ZNF726: variants seen among roughly 807,000 people sequenced by gnomAD.
ZNF726 encodes zinc finger protein 726.
Under a neutral mutation model 11.6 loss-of-function variants are expected in ZNF726, and 15 were observed. That is an observed-to-expected ratio of 1.29 (90% CI 0.86 to 1.99). The LOEUF (loss-of-function observed/expected upper bound fraction) is 1.99. Ranked by LOEUF, ZNF726 falls within the 30% of genes most tolerant of loss-of-function variation. The probability of loss-of-function intolerance (pLI) is 0.00; values close to 1 mark genes in which losing one functional copy is unlikely to be tolerated. For synonymous variants in ZNF726, 295 were observed against 243.6 expected, an observed-to-expected ratio of 1.21 and a Z score of -1.96; for missense variants, 890 against 725.6, an observed-to-expected ratio of 1.23 and a Z score of -2.60.
intron 3 of ZNF726, among the ~76,000 whole-genome samples, chr19:23,925,247 T>C (rs1340046903): frequency 1.3e-5 from 2 of 152,242 alleles, no homozygotes; most frequent in Non-Finnish European, 2.9e-5. Context: ...ATTTTAGATA[T>C]AGATTCATAA....
At chr19:23,928,583 A>C (rs1030994221) in intron 3 of ZNF726, 1 of 152,118 alleles carries the variant, frequency 6.6e-6, no homozygotes, top group African/African-American at 2.4e-5. Context: ...TATACTACCA[A>C]TGTTTGTCTC....
downstream of ZNF726, among the ~76,000 whole-genome samples, chr19:23,937,473 C>A (rs1035833534): frequency 6.7e-6 from 1 of 149,544 alleles, no homozygotes; most frequent in Non-Finnish European, 1.5e-5. Context: ...TCAGACGGGG[C>A]GGCCGGGCAG....
chr19:23,943,500 C>A, exon 4 of ZNF726: 1 of 622,204 alleles, frequency 1.6e-6, no homozygotes, highest in Non-Finnish European at 3.0e-6. Flanking sequence ...ACAGGCCTTG[C>A]TGTCTCTAAC....
downstream of ZNF726, among the ~76,000 whole-genome samples, chr19:23,937,080 C>CT (rs1017458934): frequency 1.4e-5 from 2 of 142,430 alleles, no homozygotes; most frequent in Non-Finnish European, 3.1e-5. Flanking sequence ...GCTGGCCGGG[C>CT]GGGGGGCTGA....
At chr19:23,937,375 C>A (rs1968259862), downstream of ZNF726, among the ~76,000 whole-genome samples, 2 of 151,428 alleles carry the variant, frequency 1.3e-5, no homozygotes. Flanking sequence ...GGAGGGGCTC[C>A]TCACTTCTCA....
chr19:23,916,283 T>C (rs1967696443), intron 1 of ZNF726, among the ~76,000 whole-genome samples: 1 of 152,156 alleles, frequency 6.6e-6, no homozygotes, highest in African/African-American at 2.4e-5. Flanking sequence ...ATCAACTATT[T>C]GTCCTTTAGT....
intron 3 of ZNF726, among the ~76,000 whole-genome samples, chr19:23,930,787 T>C (rs1229394766): frequency 1.3e-5 from 2 of 152,302 alleles, no homozygotes; most frequent in Admixed American, 6.5e-5. Flanking sequence ...CATAATTATT[T>C]ATCTCTTTTA....
chr19:23,941,142 A>G (rs748630327), intron 3 of ZNF726, among the ~76,000 whole-genome samples: 1 of 152,136 alleles, frequency 6.6e-6, no homozygotes, highest in Non-Finnish European at 1.5e-5. Flanking sequence ...TATTACATGA[A>G]GTTGTGACCC....
downstream of ZNF726, among the ~76,000 whole-genome samples, chr19:23,934,940 A>G (rs2144994397): frequency 6.6e-6 from 1 of 152,362 alleles, no homozygotes; most frequent in South Asian, 2.1e-4. Context: ...CATTTGCTTT[A>G]TAAAGAGCCT....
chr19:23,929,984 G>A (rs961684059), intron 3 of ZNF726, among the ~76,000 whole-genome samples: 5 of 152,054 alleles, frequency 3.3e-5, no homozygotes, highest in African/African-American at 4.8e-5. Context: ...ACTATATGTA[G>A]AGTCTCACTG....
intron 3 of ZNF726, among the ~76,000 whole-genome samples, chr19:23,926,941 A>G (rs560809352): frequency 2.0e-5 from 3 of 152,312 alleles, no homozygotes; most frequent in South Asian, 2.1e-4. Context: ...AACATTTTAA[A>G]CAATGTTTCC....
intron 3 of ZNF726, among the ~76,000 whole-genome samples, chr19:23,943,223 C>A (rs1968366129): frequency 6.6e-6 from 1 of 152,112 alleles, no homozygotes; most frequent in South Asian, 2.1e-4. Flanking sequence ...GTTTCACCCC[C>A]ATGTCTAGAA....
At chr19:23,922,885 A>G (rs956578561) in intron 3 of ZNF726, among the ~76,000 whole-genome samples, 32 of 150,672 alleles carry the variant, frequency 2.1e-4, no homozygotes, top group Non-Finnish European at 3.1e-4. Context: ...ATGGATGACA[A>G]ATTTTCTTGC....
intron 3 of ZNF726, among the ~76,000 whole-genome samples, chr19:23,924,136 C>G (rs186949537): frequency 2.0e-4 from 31 of 151,804 alleles, no homozygotes; most frequent in Non-Finnish European, 4.0e-4. Flanking sequence ...CTCTGTCTCC[C>G]GGGTTCAAGT....
chr19:23,916,065 C>A (rs971421565), intron 1 of ZNF726, among the ~76,000 whole-genome samples: 12 of 152,122 alleles, frequency 7.9e-5, no homozygotes, highest in Non-Finnish European at 4.4e-5. Flanking sequence ...ACTAGAGCCA[C>A]CTCAATCTAA....
chr19:23,937,347 A>G (rs1279799498), downstream of ZNF726, among the ~76,000 whole-genome samples: 2 of 150,512 alleles, frequency 1.3e-5, no homozygotes, highest in Non-Finnish European at 3.0e-5. Flanking sequence ...CACTTCCCAG[A>G]TGGGGTGGCT....
At chr19:23,931,060 T>G (rs1361539708) in intron 3 of ZNF726, among the ~76,000 whole-genome samples, 4 of 152,208 alleles carry the variant, frequency 2.6e-5, no homozygotes. Context: ...AACCTCCACC[T>G]TCCAGGTTCA....
downstream of ZNF726, chr19:23,935,514 T>C (rs186651669): frequency 2.2e-5 from 9 of 410,336 alleles, no homozygotes; most frequent in Admixed American, 2.7e-4. Context: ...TTAACAGATA[T>C]AAGATTATTC....
chr19:23,934,184 TAC>T lies in ZNF726; in HGVS notation c.*218_*219del, dbSNP rs779979087. 1 of 810,566 alleles carries T rather than the reference TAC, an allele frequency of 1.2e-6. No homozygotes were observed. Among genetic ancestry groups the T allele is most frequent in the Non-Finnish European group, 2.1e-6 (1 of 467,122 alleles). The allele number at this position is 810,566 out of a possible 1,614,324, so 50.2% of individuals were successfully genotyped here. On this transcript the variant is annotated 3_prime_UTR_variant, in exon 4 of 4. Transcript: ENST00000594466. ...AAAGCTTTTAATCATTCTCAAATCTTACTACACATAAGATAATTCATACTGGA... is the reference window on the plus strand; with the variant it reads ...AAAGCTTTTAATCATTCTCAAATCTTTACACATAAGATAATTCATACTGGA...
Sources: gnomAD v4.1 joint callset for allele counts (sites outside exome capture counted in the v4.1 genomes callset) on GRCh38, gnomAD v4.1.1 for gene constraint, MANE v1.5 for transcripts, NCBI Gene and HGNC (gene_info 2026-07-23, HGNC 2026-07-21) for gene names.